Variants in GPHN observed in about 807,000 individuals in gnomAD.
GPHN encodes the protein gephyrin.
In GPHN, 17 loss-of-function variants were observed where a neutral mutation model predicts 95.5. The ratio of observed to expected loss-of-function variants is 0.18; its 90% CI spans 0.12 to 0.27. The LOEUF is 0.27. Among genes scored for constraint, GPHN ranks in the 10% least tolerant of loss-of-function variants. GPHN has a pLI of 1.00. For missense variants in GPHN, 660 were observed against 978.1 expected, an observed-to-expected ratio of 0.67 and a Z score of 4.34; for synonymous variants, 320 against 322.5, an observed-to-expected ratio of 0.99 and a Z score of 0.08.
chr14:66,685,950 C>T (rs2067325331), intron 2 of GPHN, among the ~76,000 whole-genome samples: 2 of 152,164 alleles, frequency 1.3e-5, no homozygotes, highest in Admixed American at 1.3e-4. Context: ...GATCCAGTTT[C>T]AGCTTTCTAC....
intron 9 of GPHN, among the ~76,000 whole-genome samples, chr14:67,011,891 G>A (rs1230567276): frequency 6.7e-6 from 1 of 148,724 alleles, no homozygotes; most frequent in East Asian, 1.9e-4. Context: ...AAAATAAACT[G>A]GTCAGAAGCA....
the GPHN span, chr14:67,201,308 T>C: frequency 5.7e-4 from 198 of 348,892 alleles, no homozygotes; most frequent in Non-Finnish European, 1.0e-3. Flanking sequence ...AACAAACAAA[T>C]AAATATTTTT....
the GPHN span, chr14:67,562,021 A>G: frequency 4.3e-6 from 7 of 1,613,438 alleles, no homozygotes; most frequent in South Asian, 7.7e-5. Context: ...GGATCCCTTC[A>G]AGATGCGCTA....
chr14:67,555,841 A>G, the GPHN span: 1 of 1,613,536 alleles, frequency 6.2e-7, no homozygotes, highest in Middle Eastern at 1.7e-4. Flanking sequence ...GAGCTGGAGC[A>G]GAGGCTGCTG....
intron 3 of GPHN, among the ~76,000 whole-genome samples, chr14:66,815,723 G>C (rs1438361202): frequency 6.6e-6 from 1 of 152,302 alleles, no homozygotes; most frequent in East Asian, 1.9e-4. Context: ...GAAGTCCACA[G>C]ATCAGTGACA....
intron 9 of GPHN, among the ~76,000 whole-genome samples, chr14:66,986,117 G>A (rs1884066): frequency 0.33 from 50,337 of 151,484 alleles, 11,524 homozygotes; most frequent in African/African-American, 0.64. Flanking sequence ...TCCCCTTTTA[G>A]CTTTTTTTTG....
intron 7 of GPHN, 25 bp from the exon 8 acceptor site, chr14:66,924,169 A>T: frequency 1.6e-6 from 2 of 1,268,608 alleles, no homozygotes; most frequent in Admixed American, 1.7e-5. Flanking sequence ...CACTATATTC[A>T]TAGTTGTTAT....
chr14:66,540,822 G>T, intron 1 of GPHN, among the ~76,000 whole-genome samples: 1 of 152,204 alleles, frequency 6.6e-6, no homozygotes, highest in Non-Finnish European at 1.5e-5. Context: ...TGTCCAGGCT[G>T]GAGTGCAGTG....
intron 2 of GPHN, among the ~76,000 whole-genome samples, chr14:66,703,459 T>C (rs1476919921): frequency 6.6e-6 from 1 of 152,174 alleles, no homozygotes; most frequent in African/African-American, 2.4e-5. Flanking sequence ...GCAGAAACCC[T>C]ACAAGCCAGA....
chr14:66,724,835 A>G (rs898668206), intron 2 of GPHN, among the ~76,000 whole-genome samples: 4 of 152,228 alleles, frequency 2.6e-5, no homozygotes, highest in Non-Finnish European at 5.9e-5. Context: ...TCACCCTATC[A>G]TATTAAAAAT....
At chr14:66,936,919 G>C (rs1020274898) in intron 8 of GPHN, among the ~76,000 whole-genome samples, 3 of 152,224 alleles carry the variant, frequency 2.0e-5, no homozygotes, top group Non-Finnish European at 4.4e-5. Context: ...AACTTGCAAA[G>C]TTGTAAAATC....
chr14:67,336,761 AAC>A, the GPHN span: 2 of 456,018 alleles, frequency 4.4e-6, no homozygotes, highest in Non-Finnish European at 4.4e-6. Flanking sequence ...CGAAATGTTA[AAC>A]AGTTACCTAT....
chr14:67,583,087 C>T, the GPHN span, among the ~76,000 whole-genome samples: 1 of 151,926 alleles, frequency 6.6e-6, no homozygotes, highest in Non-Finnish European at 1.5e-5. Flanking sequence ...GAGTCTGACA[C>T]CTACTATATA....
At chr14:67,383,238 TA>T in the GPHN span, 2 of 1,482,296 alleles carry the variant, frequency 1.3e-6, no homozygotes, top group Non-Finnish European at 1.8e-6. Context: ...GAGAAAACAT[TA>T]GGCAGTAATA....
At position 66,508,442 on chromosome 14, in the gene GPHN, C is replaced by G; in HGVS notation, c.-86C>G. 5 of 1,224,020 alleles carry G rather than the reference C, an allele frequency of 4.1e-6. No individual in the cohort carries two copies. The highest frequency in any genetic ancestry group is 6.1e-6 in the Non-Finnish European group (5 of 824,494). The allele number at this position is 1,224,020 out of a possible 1,614,324, so 75.8% of individuals were successfully genotyped here. ...TCTCTGGCTCCCTAGCTGTCGCGCTCTCCTCGGCGAGCGCGCTCCCGGCCC... is the reference window on the plus strand; with the variant it reads ...TCTCTGGCTCCCTAGCTGTCGCGCTGTCCTCGGCGAGCGCGCTCCCGGCCC... On this transcript the variant is annotated 5_prime_UTR_variant, in exon 1 of 23. Transcript: ENST00000478722.
chr14:66,808,726 G>C (rs183131590), intron 3 of GPHN, among the ~76,000 whole-genome samples: 2 of 152,140 alleles, frequency 1.3e-5, no homozygotes, highest in Non-Finnish European at 2.9e-5. Context: ...GAAACTGGGA[G>C]GCAGAGGTTG....
the GPHN span, among the ~76,000 whole-genome samples, chr14:67,498,833 T>G: frequency 2.0e-4 from 31 of 151,770 alleles, no homozygotes; most frequent in Non-Finnish European, 4.6e-4. Context: ...GCCTGATTAA[T>G]TTTTTTTGTA....
rs1239319230 is a variant in GPHN at position 66,683,383 on chromosome 14, CAT to C, written c.143+2207_143+2208del. On this transcript the variant is annotated intron_variant, in intron 2 of 22. Coordinates refer to ENST00000478722, the MANE Select transcript of GPHN (RefSeq NM_020806.5). ...ATATATATATATATATATATATGTT[CAT>C]ATATATATGTTCATATATATATATG... 6.6e-5 allele frequency among the ~76,000 whole-genome samples: 4 copies of C among 60,692 alleles called. 1 individual carries two copies. Among genetic ancestry groups the C allele is most frequent in the South Asian group, 1.1e-3 (2 of 1,826 alleles). The allele number at this position is 60,692 out of a possible 152,430, so 39.8% of individuals were successfully genotyped here.
chr14:66,533,658 G>A (rs1312656868), intron 1 of GPHN, among the ~76,000 whole-genome samples: 1 of 152,202 alleles, frequency 6.6e-6, no homozygotes, highest in African/African-American at 2.4e-5. Context: ...TTTCTCATCT[G>A]CTGAAACGGT....
Sources: allele counts gnomAD v4.1 joint callset (sites outside exome capture counted in the v4.1 genomes callset), GRCh38; gene constraint gnomAD v4.1.1; transcripts MANE v1.5; gene names NCBI Gene and HGNC (gene_info 2026-07-23, HGNC 2026-07-21).